Variants in NRG1 observed in about 807,000 individuals in gnomAD.
NRG1 encodes the protein neuregulin 1.
In NRG1, 18 loss-of-function variants were observed where a neutral mutation model predicts 63.8. That is an observed-to-expected ratio of 0.28 (90% CI 0.19 to 0.42). NRG1 has a LOEUF of 0.42. NRG1 is among the 10% of genes least tolerant of loss of function. The pLI is 1.00. For synonymous variants in NRG1, 302 were observed against 301.3 expected (o/e 1.00, Z -0.02); for missense variants, 762 against 814.7 (o/e 0.94, Z 0.79).
chr8:32,328,100 T>C (rs971346981), intron 1 of NRG1, among the ~76,000 whole-genome samples: 1 of 152,270 alleles, frequency 6.6e-6, no homozygotes, highest in Non-Finnish European at 1.5e-5. Context: ...ATGTCCCAAA[T>C]TGAGACAGCA....
intron 5 of NRG1, among the ~76,000 whole-genome samples, chr8:32,641,855 GTT>G: frequency 6.6e-6 from 1 of 152,270 alleles, no homozygotes; most frequent in South Asian, 2.1e-4. Flanking sequence ...GGTAAAATGA[GTT>G]TCATTCATCT....
intron 1 of NRG1, among the ~76,000 whole-genome samples, chr8:31,972,389 C>T (rs1807439638): frequency 6.6e-6 from 1 of 152,166 alleles, no homozygotes; most frequent in South Asian, 2.1e-4. Flanking sequence ...GGACTTTTAT[C>T]TCCATATGTC....
rs60514534 is a variant in NRG1 at position 32,664,624 on chromosome 8, A to AATG, written c.502+47765_502+47767dup. Among the ~76,000 whole-genome samples the AATG allele has an allele frequency of 8.1e-3, 1,221 of 151,596 alleles. 15 individuals are homozygous for AATG. Among genetic ancestry groups the AATG allele is most frequent in the African/African-American group, 0.026 (1,076 of 41,314 alleles). ...TTTGGAAATAAACTGATGGTGTAGA[A>AATG]ATGATGATGATGATGATGATGATGA... On this transcript the variant is annotated intron_variant, in intron 5 of 11. Coordinates refer to ENST00000356819, the Ensembl canonical transcript of NRG1.
chr8:32,548,877 ACTCCTCCTCCTCCTC>A, intron 1 of NRG1, 51 bp downstream of exon 1: 1 of 1,430,360 alleles, frequency 7.0e-7, no homozygotes, highest in South Asian at 1.3e-5. Flanking sequence ...TGCTCCTCCT[ACTCCTCCTCCTCCTC>A]GGATGCCGTG....
intron 1 of NRG1, among the ~76,000 whole-genome samples, chr8:32,335,522 A>G (rs1198740086): frequency 6.6e-6 from 1 of 152,164 alleles, no homozygotes; most frequent in East Asian, 1.9e-4. Flanking sequence ...TATTTCCAAA[A>G]TATAGTGTTA....
At chr8:31,687,680 A>G (rs150613162) in intron 1 of NRG1, among the ~76,000 whole-genome samples, 298 of 152,362 alleles carry the variant, frequency 2.0e-3, no homozygotes, top group Middle Eastern at 0.014. Context: ...TGCTGTTGGA[A>G]ACAACACAAT....
intron 1 of NRG1, among the ~76,000 whole-genome samples, chr8:31,652,833 AC>A (rs1283212532): frequency 1.3e-5 from 2 of 151,938 alleles, no homozygotes; most frequent in African/African-American, 4.8e-5. Context: ...TGTGTGATTG[AC>A]TTTTCTTTCT....
At chr8:32,227,079 T>C (rs1846400770) in intron 1 of NRG1, among the ~76,000 whole-genome samples, 2 of 152,200 alleles carry the variant, frequency 1.3e-5, no homozygotes, top group African/African-American at 2.4e-5. Flanking sequence ...TTTCTTCCTT[T>C]CTCCTTTTAC....
chr8:32,453,470 G>C (rs1461934140), intron 1 of NRG1, among the ~76,000 whole-genome samples: 1 of 152,160 alleles, frequency 6.6e-6, no homozygotes, highest in South Asian at 2.1e-4. Context: ...TCACCTCTGC[G>C]TGTGTAAACA....
chr8:32,456,649 A>G (rs1267653858), intron 1 of NRG1, among the ~76,000 whole-genome samples: 2 of 152,216 alleles, frequency 1.3e-5, no homozygotes, highest in Non-Finnish European at 2.9e-5. Flanking sequence ...ACTACATATA[A>G]CACACAAACT....
chr8:32,057,849 T>A (rs1823213617), intron 1 of NRG1, among the ~76,000 whole-genome samples: 1 of 152,156 alleles, frequency 6.6e-6, no homozygotes. Flanking sequence ...CTTCTTTTAA[T>A]GAATGACACC....
At chr8:32,244,105 T>A (rs545129774) in intron 1 of NRG1, among the ~76,000 whole-genome samples, 193 of 152,312 alleles carry the variant, frequency 1.3e-3, no homozygotes, top group Non-Finnish European at 2.4e-3. Flanking sequence ...TGCTCAGCAA[T>A]CAAATTTATT....
At chr8:32,347,207 G>C (rs182053144) in intron 1 of NRG1, among the ~76,000 whole-genome samples, 107 of 152,170 alleles carry the variant, frequency 7.0e-4, no homozygotes, top group Non-Finnish European at 1.3e-3. Flanking sequence ...ATAAGTTATT[G>C]TTAACTATAA....
intron 3 of NRG1, among the ~76,000 whole-genome samples, chr8:32,612,645 G>A (rs528367139): frequency 6.6e-6 from 1 of 151,980 alleles, no homozygotes; most frequent in African/African-American, 2.4e-5. Context: ...CTAATCTGAG[G>A]TATTTTTTGC....
intron 5 of NRG1, among the ~76,000 whole-genome samples, chr8:32,650,173 AT>A (rs749642095): frequency 6.6e-5 from 10 of 152,116 alleles, no homozygotes; most frequent in Non-Finnish European, 1.5e-4. Flanking sequence ...TATAAAGTAA[AT>A]TTTTCTACTA....
intron 1 of NRG1, among the ~76,000 whole-genome samples, chr8:32,051,947 A>T (rs572857051): frequency 6.6e-6 from 1 of 152,210 alleles, no homozygotes; most frequent in East Asian, 1.9e-4. Flanking sequence ...AGTAGAGTTT[A>T]CTGGACTTGG....
chr8:32,660,499 AC>A (rs1276860960), intron 5 of NRG1, among the ~76,000 whole-genome samples: 6 of 152,230 alleles, frequency 3.9e-5, no homozygotes, highest in African/African-American at 1.4e-4. Flanking sequence ...ATGCTTTTGG[AC>A]ATTTTAACAT....
At chr8:31,907,214 ACTC>A (rs1266579315) in intron 1 of NRG1, among the ~76,000 whole-genome samples, 2 of 124,574 alleles carry the variant, frequency 1.6e-5, no homozygotes, top group Admixed American at 8.5e-5. Flanking sequence ...AATATGATGA[ACTC>A]CTGATGGGTT....
chr8:32,322,405 G>A (rs936690474), intron 1 of NRG1, among the ~76,000 whole-genome samples: 1 of 150,150 alleles, frequency 6.7e-6, no homozygotes, highest in East Asian at 1.9e-4. Context: ...TTTTAATGTA[G>A]CCATGGACAT....
Sources: allele counts gnomAD v4.1 joint callset (sites outside exome capture counted in the v4.1 genomes callset), GRCh38; gene constraint gnomAD v4.1.1; transcripts MANE v1.5; gene names NCBI Gene and HGNC (gene_info 2026-07-23, HGNC 2026-07-21).